TNFRSF11A: variants seen among roughly 807,000 people sequenced by gnomAD.
TNFRSF11A encodes the protein tumor necrosis factor receptor superfamily member 11A.
A neutral mutation model predicts 55.7 loss-of-function variants in TNFRSF11A; 32 were observed. That is an observed-to-expected ratio of 0.57 (90% CI 0.43 to 0.77). The LOEUF (loss-of-function observed/expected upper bound fraction) is 0.77. TNFRSF11A is among the 30% of genes least tolerant of loss of function. The probability of loss-of-function intolerance (pLI) is 0.00; values close to 1 mark genes in which losing one functional copy is unlikely to be tolerated. For missense variants in TNFRSF11A, 753 were observed against 809.8 expected (o/e 0.93, Z 0.85); for synonymous variants, 311 against 331.0 (o/e 0.94, Z 0.65).
rs370449950 is a variant in TNFRSF11A at position 62,365,277 on chromosome 18, A to G, written c.731-1431A>G. Among the ~76,000 whole-genome samples, 112 of 152,316 alleles carry G rather than the reference A, an allele frequency of 7.4e-4. No homozygotes were observed. In the Middle Eastern group the frequency reaches 0.014, roughly 19 times the overall value. The stretch of plus-strand genomic sequence containing the variant: ...GGGTCCAGCCCTAACTTTAGTCTTT[A>G]TAGTGAACCCAACATTAAATGTTCA... On this transcript the variant is annotated intron_variant, in intron 7 of 9. Transcript: ENST00000586569.
intron 9 of TNFRSF11A, among the ~76,000 whole-genome samples, chr18:62,370,835 C>CT (rs10539841): frequency 1.0e-4 from 15 of 142,922 alleles, no homozygotes; most frequent in East Asian, 4.1e-4. Flanking sequence ...CTTTTCTTTT[C>CT]TTTTTTTTTT....
Position 62,325,842 on chromosome 18 carries a change from C to A in TNFRSF11A, c.75+415C>A, listed in dbSNP as rs1355395466. Among the ~76,000 whole-genome samples the A allele has an allele frequency of 6.6e-6, 1 of 152,254 alleles. No homozygotes were observed. Among genetic ancestry groups the A allele is most frequent in the African/African-American group, 2.4e-5 (1 of 41,478 alleles). ...CCCGATACGATTTCTCCCGGGTGGC[C>A]TCCGTCCCAAATTTCCACCCGGAAA... On this transcript the variant is annotated intron_variant, in intron 1 of 9. Transcript: ENST00000586569. The surrounding 1 kb of genome is among the most constrained non-coding windows in gnomAD (Gnocchi z 4.7).
At chr18:62,346,571 C>G (rs1225504632) in intron 1 of TNFRSF11A, among the ~76,000 whole-genome samples, 2 of 152,190 alleles carry the variant, frequency 1.3e-5, no homozygotes, top group Non-Finnish European at 2.9e-5. Context: ...GCCCAGGAAG[C>G]AAGTCCAAGT....
At chr18:62,372,758 A>G (rs1264061283) in intron 9 of TNFRSF11A, 1 of 152,150 alleles carries the variant, frequency 6.6e-6, no homozygotes, top group African/African-American at 2.4e-5. Flanking sequence ...GAGAACACGC[A>G]GTGTTTGGTT....
chr18:62,331,648 T>C (rs1382808796), intron 1 of TNFRSF11A, among the ~76,000 whole-genome samples: 1 of 151,916 alleles, frequency 6.6e-6, no homozygotes, highest in African/African-American at 2.4e-5. Flanking sequence ...CCCCAGAGAG[T>C]CACATCAGAG....
Position 62,385,009 on chromosome 18 carries a change from A to G in TNFRSF11A, c.1826A>G (p.Gln609Arg), listed in dbSNP as rs1167503960. 8.8e-6 allele frequency: 13 copies of G among 1,482,628 alleles called. No individual in the cohort carries two copies. In the South Asian group the frequency reaches 1.3e-4, roughly 15 times the overall value. The allele number at this position is 1,482,628 out of a possible 1,614,324, so 91.8% of individuals were successfully genotyped here. Residue 609 changes from glutamine to arginine, a missense_variant, in exon 10 of 10, where the codon CAG becomes CGG. By Grantham distance (43) the Gln-to-Arg change is conservative. Coordinates refer to ENST00000586569, the MANE Select transcript of TNFRSF11A (RefSeq NM_003839.4). Reference protein sequence around the residue: ...REPEKASRPVQEQGGAKA With the variant: ...REPEKASRPVREQGGAKA ...CCGGAGAAGGCCTCGAGGCCGGTGC[A>G]GGAGCAAGGCGGGGCCAAGGCTTGA...
At chr18:62,350,065 C>T (rs1425451864) in intron 3 of TNFRSF11A, 128 bp downstream of exon 3, 40 of 1,306,992 alleles carry the variant, frequency 3.1e-5, no homozygotes, top group Non-Finnish European at 4.1e-5. Context: ...TGTGACTACA[C>T]ATCCCAAGAA....
At chr18:62,343,633 C>T (rs2046343945) in intron 1 of TNFRSF11A, among the ~76,000 whole-genome samples, 1 of 152,154 alleles carries the variant, frequency 6.6e-6, no homozygotes, top group Non-Finnish European at 1.5e-5. Flanking sequence ...CTTGCACAGA[C>T]TGTGGACATG....
chr18:62,344,352 C>G (rs1296084293), intron 1 of TNFRSF11A, among the ~76,000 whole-genome samples: 1 of 152,210 alleles, frequency 6.6e-6, no homozygotes, highest in African/African-American at 2.4e-5. Context: ...CTAGAAAAAT[C>G]TCAGTAAATA....
At chr18:62,342,532 C>A (rs2046329074) in intron 1 of TNFRSF11A, among the ~76,000 whole-genome samples, 1 of 152,002 alleles carries the variant, frequency 6.6e-6, no homozygotes, top group African/African-American at 2.4e-5. Flanking sequence ...CATTTCCACT[C>A]CTGGTTATGA....
intron 7 of TNFRSF11A, among the ~76,000 whole-genome samples, chr18:62,364,097 A>G (rs934514828): frequency 6.6e-6 from 1 of 152,222 alleles, no homozygotes; most frequent in Non-Finnish European, 1.5e-5. Context: ...CTGAGCACCA[A>G]GTGGCAGATG....
intron 9 of TNFRSF11A, among the ~76,000 whole-genome samples, chr18:62,371,524 C>A (rs565334452): frequency 6.6e-6 from 1 of 152,302 alleles, no homozygotes; most frequent in East Asian, 1.9e-4. Flanking sequence ...AAAAGTGTGT[C>A]ATCAACTAAG....
Position 62,391,200 on chromosome 18 carries a change from A to G in TNFRSF11A, c.*6166A>G, listed in dbSNP as rs1396968907. 6.6e-6 allele frequency: 1 copy of G among 152,204 alleles called. No homozygotes were observed. The allele number at this position is 152,204 out of a possible 1,614,324, so 9.4% of individuals were successfully genotyped here. A position where few individuals can be genotyped will look rare whatever the true frequency, so the allele number is the denominator to read the frequency against. On this transcript the variant is annotated 3_prime_UTR_variant, in exon 10 of 10. Coordinates refer to ENST00000586569, the MANE Select transcript of TNFRSF11A (RefSeq NM_003839.4). ...TAGTTCCATTTTTTTTCTGAGTAGT[A>G]GTCCATTGTATGGATGTACTGCGGT...
chr18:62,379,630 T>G (rs1911126826), intron 9 of TNFRSF11A, among the ~76,000 whole-genome samples: 1 of 152,220 alleles, frequency 6.6e-6, no homozygotes, highest in African/African-American at 2.4e-5. Flanking sequence ...CTTAGACTGC[T>G]TTTTGGCAAG....
At chr18:62,365,052 C>T (rs1448144772) in intron 7 of TNFRSF11A, among the ~76,000 whole-genome samples, 1 of 152,194 alleles carries the variant, frequency 6.6e-6, no homozygotes, top group South Asian at 2.1e-4. Context: ...GACCTCCCTC[C>T]CGGGCTCAAA....
chr18:62,341,430 C>T (rs754488280), intron 1 of TNFRSF11A, among the ~76,000 whole-genome samples: 1 of 152,238 alleles, frequency 6.6e-6, no homozygotes, highest in Non-Finnish European at 1.5e-5. Flanking sequence ...GGAAGATTGT[C>T]AGGCCTTGAG....
At position 62,348,182 on chromosome 18, in the gene TNFRSF11A, C is replaced by T. The variant is rs760337456; in HGVS notation, c.90C>T (p.Ile30=). The stretch of plus-strand genomic sequence containing the variant: ...GTTCTTTTCAGGTGGCTTTGCAGAT[C>T]GCTCCTCCATGTACCAGTGAGAAGC... ...LLARLQVALQ[I]APPCTSEKHY... is the part of the protein sequence containing the mutation. The change falls in exon 2 of 10, where the codon ATC becomes ATT. Residue 30 remains isoleucine, a synonymous_variant. Transcript: ENST00000586569. 11 of 1,613,822 alleles carry T rather than the reference C, an allele frequency of 6.8e-6. No individual in the cohort carries two copies. Among genetic ancestry groups the T allele is most frequent in the Admixed American group, 3.3e-5 (2 of 59,984 alleles).
At position 62,354,509 on chromosome 18, in the gene TNFRSF11A, G is replaced by A. The variant is rs145242277; in HGVS notation, c.402G>A (p.Ala134=). 9.7e-5 allele frequency: 155 copies of A among 1,602,600 alleles called. No individual in the cohort carries two copies. Among genetic ancestry groups the A allele is most frequent in the African/African-American group, 7.9e-4 (59 of 75,034 alleles). Residue 134 remains alanine, a synonymous_variant, in exon 4 of 10, where the codon GCG becomes GCA. Coordinates refer to ENST00000586569, the MANE Select transcript of TNFRSF11A (RefSeq NM_003839.4). ...GCTGCCGCCGCAACACCGAGTGCGC[G>A]CCGGGCCTGGGCGCCCAGCACCCGT... ...CECCRRNTEC[A]PGLGAQHPLQ...
At chr18:62,336,832 C>G (rs1319717013) in intron 1 of TNFRSF11A, 1 of 152,188 alleles carries the variant, frequency 6.6e-6, no homozygotes, top group Non-Finnish European at 1.5e-5. Context: ...AGTTTTGAAA[C>G]GCAAGCTTGT....
Sources: gnomAD v4.1 joint callset for allele counts (sites outside exome capture counted in the v4.1 genomes callset) on GRCh38, gnomAD v4.1.1 for gene constraint, Gnocchi (gnomAD v3.1) non-coding constraint, MANE v1.5 for transcripts, NCBI Gene and HGNC (gene_info 2026-07-23, HGNC 2026-07-21) for gene names.